TEX9: variants seen among roughly 807,000 people sequenced by gnomAD.
TEX9 encodes the protein testis expressed 9, also known as testis-expressed protein 9.
In TEX9, 74 loss-of-function variants were observed where a neutral mutation model predicts 59.6. The observed-to-expected ratio is 1.24, with a 90% CI of 1.03 to 1.51. The LOEUF (loss-of-function observed/expected upper bound fraction) is 1.51. Among genes scored for constraint, TEX9 ranks in the 40% most tolerant of loss-of-function variants. The pLI is 0.00. For missense variants in TEX9, 522 were observed against 447.8 expected (o/e 1.17, Z -1.49); for synonymous variants, 186 against 152.2 (o/e 1.22, Z -1.64).
chr15:56,268,954 C>G (rs2044456908), intron 1 of TEX9, among the ~76,000 whole-genome samples: 1 of 151,984 alleles, frequency 6.6e-6, no homozygotes, highest in South Asian at 2.1e-4. Context: ...CCATCTGGTC[C>G]TAGAATTTTT....
rs186494673 is a variant in TEX9 at position 56,321,562 on chromosome 15, A to G, written c.-106-51879A>G. Among the ~76,000 whole-genome samples the G allele has an allele frequency of 9.8e-5, 15 of 152,300 alleles. No individual in the cohort carries two copies. The East Asian group carries it at 2.7e-3, about 27-fold the overall frequency. ...AAAAGGTAATTTATGAAGGACAGGA[A>G]CAGATATTGGGAAGGGAATTAGCAG... On this transcript the variant is annotated intron_variant, in intron 1 of 5. Transcript: ENST00000560827.
chr15:56,395,988 C>G (rs1448599369), intron 9 of TEX9: 3 of 152,016 alleles, frequency 2.0e-5, no homozygotes, highest in African/African-American at 7.2e-5. Context: ...TCCAGTTTAT[C>G]TAATATTTAT....
At chr15:56,375,763 C>T (rs2047411849) in intron 3 of TEX9, among the ~76,000 whole-genome samples, 1 of 151,960 alleles carries the variant, frequency 6.6e-6, no homozygotes, top group Non-Finnish European at 1.5e-5. Context: ...TATAAAGACA[C>T]ATGCACACAT....
chr15:56,315,241 A>C (rs1423855625), intron 1 of TEX9, among the ~76,000 whole-genome samples: 1 of 129,790 alleles, frequency 7.7e-6, no homozygotes, highest in East Asian at 2.2e-4. Context: ...GTTTCTTCCT[A>C]GTCTCAATGG....
chr15:56,456,250 A>C, the TEX9 span: 6 of 661,130 alleles, frequency 9.1e-6, no homozygotes, highest in Admixed American at 2.4e-4. Context: ...ATATTTATAG[A>C]ACTTAAAGCA....
intron 1 of TEX9, among the ~76,000 whole-genome samples, chr15:56,271,066 C>T (rs965787359): frequency 9.9e-5 from 15 of 152,170 alleles, no homozygotes; most frequent in Non-Finnish European, 2.1e-4. Context: ...CTGCCCTTAA[C>T]ATTTTTCCCT....
At chr15:56,321,312 A>G (rs1167741898) in intron 1 of TEX9, among the ~76,000 whole-genome samples, 1 of 152,182 alleles carries the variant, frequency 6.6e-6, no homozygotes, top group African/African-American at 2.4e-5. Context: ...CAGAATACTC[A>G]GGTTAAGAAG....
chr15:56,413,427 T>C (rs2049507014), intron 10 of TEX9, among the ~76,000 whole-genome samples: 1 of 151,246 alleles, frequency 6.6e-6, no homozygotes, highest in Admixed American at 6.6e-5. Flanking sequence ...AAGATTTACC[T>C]TCTTAAACAT....
intron 10 of TEX9, among the ~76,000 whole-genome samples, chr15:56,415,805 A>G (rs540202822): frequency 8.6e-5 from 13 of 152,012 alleles, no homozygotes; most frequent in Non-Finnish European, 1.2e-4. Flanking sequence ...TAGGAATAGC[A>G]TTGAATCTGT....
intron 1 of TEX9, among the ~76,000 whole-genome samples, chr15:56,358,063 C>T (rs1275499327): frequency 3.3e-5 from 5 of 152,026 alleles, no homozygotes; most frequent in African/African-American, 1.2e-4. Context: ...CTGCTAGGAC[C>T]GTTGGGGCAC....
At chr15:56,450,265 A>G (rs2050939087), downstream of TEX9, among the ~76,000 whole-genome samples, 1 of 152,174 alleles carries the variant, frequency 6.6e-6, no homozygotes, top group Non-Finnish European at 1.5e-5. Context: ...GTGAAAATAT[A>G]TGTAACAAAA....
chr15:56,437,482 A>G (rs1596256977), intron 12 of TEX9, among the ~76,000 whole-genome samples: 1 of 152,334 alleles, frequency 6.6e-6, no homozygotes, highest in African/African-American at 2.4e-5. Flanking sequence ...AATAAGAGCT[A>G]TTTATGACAA....
chr15:56,389,713 G>T (rs1694468006), intron 6 of TEX9, among the ~76,000 whole-genome samples: 1 of 151,034 alleles, frequency 6.6e-6, no homozygotes, highest in South Asian at 2.1e-4. Flanking sequence ...TTTAATCTCT[G>T]CCTAGTTCTC....
intron 1 of TEX9, among the ~76,000 whole-genome samples, chr15:56,261,682 A>C (rs1464511523): frequency 6.6e-6 from 1 of 152,070 alleles, no homozygotes; most frequent in African/African-American, 2.4e-5. Context: ...ACGCCATTGC[A>C]CTCCAGCCTG....
chr15:56,343,538 T>A (rs1473716674), intron 1 of TEX9, among the ~76,000 whole-genome samples: 1 of 152,018 alleles, frequency 6.6e-6, no homozygotes, highest in Non-Finnish European at 1.5e-5. Flanking sequence ...AAATTACCAA[T>A]ATGAGCAGAA....
intron 12 of TEX9, among the ~76,000 whole-genome samples, chr15:56,443,260 GTCTA>G (rs1184837947): frequency 6.6e-6 from 1 of 152,108 alleles, no homozygotes; most frequent in South Asian, 2.1e-4. Context: ...TGATGCCTGA[GTCTA>G]TCTTTTTAGC....
chr15:56,388,037 A>G (rs1022130991), intron 4 of TEX9, among the ~76,000 whole-genome samples: 4 of 152,140 alleles, frequency 2.6e-5, no homozygotes, highest in African/African-American at 4.8e-5. Flanking sequence ...GGCAGACGTG[A>G]TTTCTACCCT....
At chr15:56,443,192 T>C (rs187636262) in intron 12 of TEX9, among the ~76,000 whole-genome samples, 2 of 152,198 alleles carry the variant, frequency 1.3e-5, no homozygotes, top group African/African-American at 2.4e-5. Context: ...TCTTCATTTT[T>C]AAATTGTGAT....
chr15:56,266,406 G>A (rs969166428), intron 1 of TEX9, among the ~76,000 whole-genome samples: 13 of 151,324 alleles, frequency 8.6e-5, no homozygotes, highest in South Asian at 6.2e-4. Context: ...TACATGTGCC[G>A]TGTTGGTTTG....
Sources: gnomAD v4.1 joint callset for allele counts (sites outside exome capture counted in the v4.1 genomes callset) on GRCh38, gnomAD v4.1.1 for gene constraint, MANE v1.5 for transcripts, NCBI Gene and HGNC (gene_info 2026-07-23, HGNC 2026-07-21) for gene names.